ITGAM: variants seen among roughly 807,000 people sequenced by gnomAD.
ITGAM encodes integrin alpha-M.
ITGAM carries 79 observed loss-of-function variants against 137.5 expected under a neutral mutation model. The ratio of observed to expected loss-of-function variants is 0.57; its 90% CI spans 0.48 to 0.69. ITGAM has a LOEUF of 0.69. Among genes scored for constraint, ITGAM ranks in the 30% least tolerant of loss-of-function variants. The pLI is 0.00. For missense variants in ITGAM, 1,343 were observed against 1,483.5 expected, an observed-to-expected ratio of 0.91 and a Z score of 1.56; for synonymous variants, 583 against 592.3, an observed-to-expected ratio of 0.98 and a Z score of 0.23.
At position 31,293,533 on chromosome 16, in the gene ITGAM, A is replaced by G. The variant is rs62051468; in HGVS notation, c.1357-3981A>G. On this transcript the variant is annotated intron_variant, in intron 12 of 29. Transcript: ENST00000544665. The stretch of plus-strand genomic sequence containing the variant: ...TCCCCATTGCTTATTTTTGTCTTAG[A>G]TCAGATGGTCATAGGTGTATGGCCT... 9.4e-3 allele frequency among the ~76,000 whole-genome samples: 1,418 copies of G among 151,628 alleles called. 18 individuals are homozygous for G. Among genetic ancestry groups the G allele is most frequent in the Non-Finnish European group, 0.016 (1,098 of 67,620 alleles).
chr16:31,324,033 AAAAG>A lies in ITGAM; in HGVS notation c.2003-361_2003-358del, dbSNP rs1267312621. Among the ~76,000 whole-genome samples, 1 of 151,722 alleles carries A rather than the reference AAAAG, an allele frequency of 6.6e-6. No homozygotes were observed. ...GTCTCAAAAAAGAAAATAAAAAATA[AAAAG>A]AAAGGAAGGAAGGAAGAAGGGAAGG... On this transcript the variant is annotated intron_variant, in intron 16 of 29. Transcript: ENST00000544665. This position sits in a 1 kb window ranked among gnomAD's most constrained non-coding sequence, Gnocchi z 4.5.
At chr16:31,303,621 C>T (rs916306681) in intron 14 of ITGAM, among the ~76,000 whole-genome samples, 1 of 152,112 alleles carries the variant, frequency 6.6e-6, no homozygotes, top group African/African-American at 2.4e-5. Flanking sequence ...CTCCCCTTCC[C>T]CAAGTCCTCA....
chr16:31,271,035 A>G lies in ITGAM; in HGVS notation c.509A>G (p.Lys170Arg), dbSNP rs369194379. 7 of 1,583,882 alleles carry G rather than the reference A, an allele frequency of 4.4e-6. No homozygotes were observed. The highest frequency in any genetic ancestry group is 2.3e-5 in the East Asian group (1 of 43,350). Residue 170 changes from lysine (K) to arginine (R), a missense_variant, in exon 6 of 30, where the codon AAG becomes AGG. Transcript: ENST00000544665. ...ATCCCACATGACTTTCGGCGGATGA[A>G]GGAGTTTGTCTCAACTGTGATGGAG... ...SIIPHDFRRM[K>R]EFVSTVMEQL...
At chr16:31,298,295 T>TTGAGCC (rs1329216246) in intron 14 of ITGAM, among the ~76,000 whole-genome samples, 1 of 151,764 alleles carries the variant, frequency 6.6e-6, no homozygotes, top group Non-Finnish European at 1.5e-5. Context: ...GGAGGATTAC[T>TTGAGCC]TGAGCCTGGG....
intron 9 of ITGAM, 110 bp downstream of exon 9, chr16:31,275,809 C>A: frequency 9.9e-7 from 1 of 1,006,462 alleles, no homozygotes; most frequent in Non-Finnish European, 1.5e-6. Context: ...CCCCCAGCAT[C>A]AACTCTCTCC....
intron 12 of ITGAM, among the ~76,000 whole-genome samples, chr16:31,286,590 G>A (rs150512531): frequency 5.3e-5 from 8 of 152,180 alleles, no homozygotes; most frequent in Admixed American, 5.2e-4. Context: ...CATTTCTCTG[G>A]TGATTAGTGA....
At chr16:31,313,133 G>A (rs1236879412) in intron 14 of ITGAM, among the ~76,000 whole-genome samples, 1 of 152,040 alleles carries the variant, frequency 6.6e-6, no homozygotes, top group African/African-American at 2.4e-5. Context: ...CAGGAGAATT[G>A]CTTGAACCCA....
chr16:31,324,466 C>G lies in ITGAM; in HGVS notation c.2070C>G (p.Val690=). ...LDSGRPHSRA[V]FNETKNSTRR... is the part of the protein sequence containing the mutation. ...CCGGCCGCCCACATTCCCGCGCCGT[C>G]TTCAATGAGACAAAGAACAGCACAC... Residue 690 remains valine (V), a synonymous_variant, in exon 17 of 30, where the codon GTC becomes GTG. Transcript: ENST00000544665. The surrounding 1 kb of genome is among the most constrained non-coding windows in gnomAD (Gnocchi z 4.5). The G allele has an allele frequency of 1.3e-6, 2 of 1,575,130 alleles. No individual in the cohort carries two copies. The highest frequency in any genetic ancestry group is 1.7e-6 in the Non-Finnish European group (2 of 1,160,784).
intron 14 of ITGAM, among the ~76,000 whole-genome samples, chr16:31,299,785 C>T (rs2080177533): frequency 7.5e-6 from 1 of 133,208 alleles, no homozygotes; most frequent in Non-Finnish European, 1.6e-5. Context: ...TCCTCCTCCG[C>T]CTCCCCCTCC....
chr16:31,319,937 C>G (rs1311560546), intron 14 of ITGAM, among the ~76,000 whole-genome samples: 2 of 151,944 alleles, frequency 1.3e-5, no homozygotes, highest in African/African-American at 4.8e-5. Flanking sequence ...CTCAGCCTCC[C>G]GAGTAGCTGG....
intron 28 of ITGAM, 128 bp downstream of exon 28, chr16:31,330,733 GATACAGAGAC>G: frequency 1.5e-6 from 1 of 678,018 alleles, no homozygotes; most frequent in Non-Finnish European, 2.5e-6. Context: ...GAGACAGAGA[GATACAGAGAC>G]GTAAGGAGAG....
chr16:31,301,249 T>C (rs1453144455), intron 14 of ITGAM, among the ~76,000 whole-genome samples: 1 of 152,208 alleles, frequency 6.6e-6, no homozygotes, highest in African/African-American at 2.4e-5. Flanking sequence ...TTTTTGTGTA[T>C]GGTATATGAG....
intron 14 of ITGAM, among the ~76,000 whole-genome samples, chr16:31,302,428 C>CTTCTTTCTTTCTTTCTTTCTTTCTTTCT (rs201632413): frequency 1.9e-5 from 2 of 103,126 alleles, no homozygotes; most frequent in African/African-American, 5.5e-5. Flanking sequence ...TTCTTTCTTT[C>CTTCTTTCTTTCTTTCTTTCTTTCTTTCT]TTCTTTCTTT....
At chr16:31,269,961 C>A (rs1418488745) in intron 5 of ITGAM, among the ~76,000 whole-genome samples, 1 of 152,186 alleles carries the variant, frequency 6.6e-6, no homozygotes, top group Non-Finnish European at 1.5e-5. Context: ...GCAGGTTGAC[C>A]TCCCAGGCCA....
Position 31,326,857 on chromosome 16 carries a change from T to C in ITGAM, c.2630T>C (p.Val877Ala), listed in dbSNP as rs770734126. The C allele has an allele frequency of 3.4e-5, 55 of 1,607,860 alleles. No homozygotes were observed. The highest frequency in any genetic ancestry group is 4.3e-5 in the Non-Finnish European group (50 of 1,174,428). The stretch of plus-strand genomic sequence containing the variant: ...TGTCTCTCCTTTCTCTCACTCCAGG[T>C]CACCTTTAATATCACGTTTGATGTA... The part of the protein sequence containing the change: ...NHPIFPENSE[V>A]TFNITFDVDS... The change falls in exon 22 of 30, where the codon GTC becomes GCC. Residue 877 changes from valine (V) to alanine (A), a missense_variant and splice_region_variant. Physicochemically the swap from Val to Ala is moderately conservative, Grantham distance 64 (BLOSUM62 0). Coordinates refer to ENST00000544665, the MANE Select transcript of ITGAM (RefSeq NM_000632.4).
At chr16:31,285,098 C>T (rs562646993) in intron 12 of ITGAM, among the ~76,000 whole-genome samples, 4 of 152,086 alleles carry the variant, frequency 2.6e-5, no homozygotes, top group South Asian at 2.1e-4. Flanking sequence ...GTGAGGGGGT[C>T]GTGATCGATT....
intron 24 of ITGAM, 92 bp from the exon 25 acceptor site, chr16:31,329,706 G>T: frequency 1.9e-6 from 2 of 1,025,960 alleles, no homozygotes; most frequent in Non-Finnish European, 2.9e-6. Flanking sequence ...GGACGCCCGG[G>T]CCTATGGCCT....
rs1329167604 is a variant in ITGAM, at chr16:31,326,852, C to T, written c.2629-4C>T. 2 of 1,603,860 alleles carry T rather than the reference C, an allele frequency of 1.2e-6. No individual in the cohort carries two copies. Among genetic ancestry groups the T allele is most frequent in the Non-Finnish European group, 1.7e-6 (2 of 1,170,730 alleles). ...GTCATTGTCTCTCCTTTCTCTCACT[C>T]CAGGTCACCTTTAATATCACGTTTG... On this transcript the variant is annotated splice_polypyrimidine_tract_variant and splice_region_variant and intron_variant, in intron 21 of 29. Transcript: ENST00000544665.
chr16:31,270,103 A>ATCCTTCCTTCCTTCCT lies in ITGAM; in HGVS notation c.428-838_428-823dup, dbSNP rs371263313. ...TCTACTCCTTTTGTATATCTGGCAA[A>ATCCTTCCTTCCTTCCT]TCCTTCCTTCCTTCCTTCCTTCCTT... On this transcript the variant is annotated intron_variant, in intron 5 of 29. Transcript: ENST00000544665. Among the ~76,000 whole-genome samples the ATCCTTCCTTCCTTCCT allele has an allele frequency of 5.9e-3, 824 of 140,000 alleles. 20 individuals carry two copies. Among genetic ancestry groups the ATCCTTCCTTCCTTCCT allele is most frequent in the African/African-American group, 0.022 (783 of 35,590 alleles). The allele number at this position is 140,000 out of a possible 152,430, so 91.8% of individuals were successfully genotyped here.
Sources: gnomAD v4.1 joint callset for allele counts (sites outside exome capture counted in the v4.1 genomes callset) on GRCh38, gnomAD v4.1.1 for gene constraint, Gnocchi (gnomAD v3.1) non-coding constraint, MANE v1.5 for transcripts, NCBI Gene and HGNC (gene_info 2026-07-23, HGNC 2026-07-21) for gene names.